TMEM132B: variants seen among roughly 807,000 people sequenced by gnomAD.
The protein encoded by TMEM132B is transmembrane protein 132B.
TMEM132B carries 18 observed loss-of-function variants against 90.8 expected under a neutral mutation model. The ratio of observed to expected loss-of-function variants is 0.20; its 90% confidence interval spans 0.14 to 0.29. The LOEUF (loss-of-function observed/expected upper bound fraction) is 0.29. TMEM132B is among the 10% of genes least tolerant of loss of function. TMEM132B has a pLI of 1.00. For missense variants in TMEM132B, 1,096 were observed against 1,326.8 expected, an observed-to-expected ratio of 0.83 and a Z score of 2.70; for synonymous variants, 504 against 523.3, an observed-to-expected ratio of 0.96 and a Z score of 0.50.
intron 5 of TMEM132B, among the ~76,000 whole-genome samples, chr12:125,594,056 C>G (rs1329158023): frequency 2.0e-5 from 3 of 152,212 alleles, no homozygotes; most frequent in African/African-American, 2.4e-5. Context: ...AATCTCCTCT[C>G]TTCTGCCCCT....
chr12:125,420,698 T>G (rs962506481), intron 3 of TMEM132B, among the ~76,000 whole-genome samples: 1 of 152,222 alleles, frequency 6.6e-6, no homozygotes, highest in African/African-American at 2.4e-5. Context: ...GATTTTCTCC[T>G]CAGAAAATGG....
chr12:125,451,385 G>C (rs1174095737), intron 3 of TMEM132B, among the ~76,000 whole-genome samples: 1 of 152,112 alleles, frequency 6.6e-6, no homozygotes, highest in African/African-American at 2.4e-5. Flanking sequence ...TATATATTGG[G>C]GGAGAGAGAG....
intron 1 of TMEM132B, among the ~76,000 whole-genome samples, chr12:125,275,095 C>T (rs887514931): frequency 6.6e-6 from 1 of 152,176 alleles, no homozygotes; most frequent in African/African-American, 2.4e-5. Context: ...CAACTTTACC[C>T]AACTTCCTCA....
At chr12:125,363,829 A>G (rs1465495498) in intron 2 of TMEM132B, among the ~76,000 whole-genome samples, 2 of 152,178 alleles carry the variant, frequency 1.3e-5, no homozygotes, top group East Asian at 1.9e-4. Flanking sequence ...TCTCACTACT[A>G]TGCTAGGCTC....
chr12:125,524,103 C>T (rs1271119549), intron 4 of TMEM132B, among the ~76,000 whole-genome samples: 2 of 152,218 alleles, frequency 1.3e-5, no homozygotes, highest in Non-Finnish European at 1.5e-5. Context: ...CACGTAGCCT[C>T]AGGCTGGTCA....
At chr12:125,453,376 G>T (rs1009560556) in intron 3 of TMEM132B, among the ~76,000 whole-genome samples, 1 of 152,064 alleles carries the variant, frequency 6.6e-6, no homozygotes, top group Admixed American at 6.6e-5. Flanking sequence ...AAAATGGATC[G>T]CAGTGTGTCT....
intron 1 of TMEM132B, among the ~76,000 whole-genome samples, chr12:125,302,571 C>T (rs918410727): frequency 1.3e-5 from 2 of 152,128 alleles, no homozygotes; most frequent in Non-Finnish European, 2.9e-5. Flanking sequence ...GGATTTGAAC[C>T]CAGGCCTGCC....
chr12:125,474,057 TTTC>T (rs1192840227), intron 3 of TMEM132B, among the ~76,000 whole-genome samples: 222 of 22,290 alleles, frequency 1.0e-2, no homozygotes, highest in African/African-American at 0.061. Flanking sequence ...CTTCTTTCTT[TTTC>T]CTTTCCTTTC....
rs142040296 is a variant in TMEM132B, at chr12:125,537,470, C to T, written c.1293+17845C>T. On this transcript the variant is annotated intron_variant, in intron 4 of 8. Transcript: ENST00000682704. ...GGGCCTTCCTGGGAACTTTGGCTGC[C>T]TTGTTGTTGGTCTGTGGCCTTCTAA... Among the ~76,000 whole-genome samples the T allele has an allele frequency of 4.7e-3, 709 of 152,264 alleles. 5 individuals are homozygous for T. The highest frequency in any genetic ancestry group is 0.015 in the African/African-American group (635 of 41,540).
intron 5 of TMEM132B, among the ~76,000 whole-genome samples, chr12:125,599,936 A>G (rs1885532872): frequency 6.6e-6 from 1 of 152,188 alleles, no homozygotes; most frequent in African/African-American, 2.4e-5. Context: ...AGAAGTCAAC[A>G]AAAGCACAGC....
At chr12:125,650,542 T>A (rs972543366) in intron 6 of TMEM132B, 141 bp from the exon 7 acceptor site, 29 of 913,826 alleles carry the variant, frequency 3.2e-5, no homozygotes, top group Non-Finnish European at 1.6e-6. Context: ...GAACTGGGAG[T>A]GGATAGATGG....
intron 3 of TMEM132B, among the ~76,000 whole-genome samples, chr12:125,483,748 G>T (rs185071521): frequency 1.3e-5 from 2 of 152,302 alleles, no homozygotes; most frequent in Admixed American, 1.3e-4. Context: ...GACCTCAGAG[G>T]AAGGAATTCC....
chr12:125,313,135 G>A (rs1312997794), intron 1 of TMEM132B, among the ~76,000 whole-genome samples: 1 of 152,100 alleles, frequency 6.6e-6, no homozygotes, highest in Non-Finnish European at 1.5e-5. Context: ...ACCTTTCTGT[G>A]CCTCAGTTTC....
At position 125,350,361 on chromosome 12, in the gene TMEM132B, G is replaced by C; in HGVS notation, c.959+18G>C. On this transcript the variant is annotated intron_variant, in intron 2 of 8. Transcript: ENST00000682704. ...ACTCTTAGGTAAGAGGCTTTGCCAG[G>C]TGGGATGGAACAGAAGCCAACTCTT... The C allele has an allele frequency of 8.1e-6, 13 of 1,597,264 alleles. No homozygotes were observed. The highest frequency in any genetic ancestry group is 1.1e-5 in the Non-Finnish European group (13 of 1,172,818).
intron 4 of TMEM132B, among the ~76,000 whole-genome samples, chr12:125,553,033 A>G (rs1359496646): frequency 6.6e-6 from 1 of 152,242 alleles, no homozygotes; most frequent in Non-Finnish European, 1.5e-5. Context: ...TTTTATTCAC[A>G]TTCTCGACAT....
chr12:125,206,157 G>A (rs1381755548), intron 1 of TMEM132B, among the ~76,000 whole-genome samples: 4 of 152,154 alleles, frequency 2.6e-5, no homozygotes, highest in Non-Finnish European at 5.9e-5. Context: ...TTTCTGGTGG[G>A]ATGGTATTCC....
intron 2 of TMEM132B, among the ~76,000 whole-genome samples, chr12:125,397,164 G>A (rs1490966063): frequency 1.3e-5 from 2 of 151,936 alleles, no homozygotes; most frequent in Non-Finnish European, 2.9e-5. Context: ...GTAGAGATGG[G>A]GTTTCATCAT....
chr12:125,273,927 G>C (rs892708164), intron 1 of TMEM132B, among the ~76,000 whole-genome samples: 28 of 152,310 alleles, frequency 1.8e-4, no homozygotes, highest in African/African-American at 6.5e-4. Flanking sequence ...GCCTCCCAAA[G>C]TGCTGGGATT....
At position 125,658,950 on chromosome 12, in the gene TMEM132B, G is replaced by T. The variant is rs895649558; in HGVS notation, c.*4240G>T. ...TTTTCTTTTTTTCTGGAAATATTTC[G>T]GAAATAAAGTGACTTCATTTTTCAG... On this transcript the variant is annotated 3_prime_UTR_variant, in exon 9 of 9. Coordinates refer to ENST00000682704, the MANE Select transcript of TMEM132B (RefSeq NM_001366854.1). The T allele has an allele frequency of 1.3e-5, 2 of 151,674 alleles. No homozygotes were observed. Among genetic ancestry groups the T allele is most frequent in the Non-Finnish European group, 2.9e-5 (2 of 67,942 alleles). The allele number at this position is 151,674 out of a possible 1,614,324, so 9.4% of individuals were successfully genotyped here.
Sources: gnomAD v4.1 joint callset for allele counts (sites outside exome capture counted in the v4.1 genomes callset) on GRCh38, gnomAD v4.1.1 for gene constraint, MANE v1.5 for transcripts, NCBI Gene and HGNC (gene_info 2026-07-23, HGNC 2026-07-21) for gene names.